The following BTN3A2 variants were observed in gnomAD, a reference collection of about 807,000 sequenced individuals.
BTN3A2 encodes the protein butyrophilin subfamily 3 member A2.
In BTN3A2, 25 loss-of-function variants were observed where a neutral mutation model predicts 37.6. The observed-to-expected ratio is 0.66, with a 90% CI of 0.48 to 0.93. The LOEUF (loss-of-function observed/expected upper bound fraction) is 0.93, where lower values mean the gene tolerates loss of function less well. BTN3A2 is among the 40% of genes least tolerant of loss of function. The pLI is 0.00. For missense variants in BTN3A2, 266 were observed against 410.9 expected (o/e 0.65, Z 3.05); for synonymous variants, 122 against 159.4 (o/e 0.77, Z 1.77).
intron 5 of BTN3A2, among the ~76,000 whole-genome samples, chr6:26,372,172 G>T (rs371033172): frequency 4.6e-5 from 7 of 152,282 alleles, no homozygotes; most frequent in Middle Eastern, 3.4e-3. Context: ...GCAGAGGGAC[G>T]TGTATAGAAT....
At chr6:26,374,482 T>C in intron 9 of BTN3A2, 109 bp downstream of exon 9, 1 of 1,241,886 alleles carries the variant, frequency 8.1e-7, no homozygotes. Flanking sequence ...TCAATTTCTG[T>C]GTGGTGGGGG....
chr6:26,369,738 T>C (rs1759909941), intron 4 of BTN3A2, among the ~76,000 whole-genome samples: 1 of 152,216 alleles, frequency 6.6e-6, no homozygotes, highest in African/African-American at 2.4e-5. Context: ...TGGTATTGTT[T>C]TTCCCATGAT....
At chr6:26,373,642 G>C (rs1190788153) in intron 8 of BTN3A2, 9 of 447,302 alleles carry the variant, frequency 2.0e-5, no homozygotes, top group Non-Finnish European at 3.4e-5. Context: ...AGGGGCTACA[G>C]ACCCTTAAGC....
chr6:26,377,750 C>G lies in BTN3A2; in HGVS notation c.*1988C>G, dbSNP rs1220731881. ...CTGAGGTTCCCTTCCCAGGACAGCT[C>G]CAGGATCGAGATCACTGTGAGTGGT... On this transcript the variant is annotated 3_prime_UTR_variant, in exon 11 of 11. Transcript: ENST00000377708. 3 of 166,234 alleles carry G rather than the reference C, an allele frequency of 1.8e-5. No individual in the cohort carries two copies. The highest frequency in any genetic ancestry group is 4.8e-5 in the African/African-American group (2 of 41,636). The allele number at this position is 166,234 out of a possible 1,614,324, so 10.3% of individuals were successfully genotyped here.
chr6:26,374,848 T>C, intron 10 of BTN3A2, 50 bp downstream of exon 10: 1 of 1,467,008 alleles, frequency 6.8e-7, no homozygotes, highest in Non-Finnish European at 9.3e-7. Flanking sequence ...AGGGACTATA[T>C]TCCTTTTTCC....
intron 8 of BTN3A2, 103 bp downstream of exon 8, chr6:26,373,516 T>A: frequency 7.4e-7 from 1 of 1,347,528 alleles, no homozygotes. Flanking sequence ...AAAGTGGTCT[T>A]GGATCCCTTT....
Position 26,375,955 on chromosome 6 carries a change from C to A in BTN3A2, c.*193C>A. 1 of 1,253,506 alleles carries A rather than the reference C, an allele frequency of 8.0e-7. No individual in the cohort carries two copies. The highest frequency in any genetic ancestry group is 1.1e-6 in the Non-Finnish European group (1 of 899,820). 77.6% of individuals were successfully genotyped at this position (1,253,506 alleles called of 1,614,324 possible). ...AGCACAGCAGCTCATGCCTGTAATC[C>A]TAGCACTTTGGAAGGCTGAGGAGGG... On this transcript the variant is annotated 3_prime_UTR_variant, in exon 11 of 11. Coordinates refer to ENST00000377708, the MANE Select transcript of BTN3A2 (RefSeq NM_007047.5).
rs58367598 is a variant in BTN3A2, at chr6:26,370,605, T to G, written c.715+2T>G. ...AGACAGCCAGCATTTCCATCGCAGG[T>G]CAGTACCTGCTTGGCCTCAGGTTTT... On this transcript the variant is annotated splice_donor_variant, in intron 5 of 10. Transcript: ENST00000377708. LOFTEE classifies it high-confidence loss of function. The G allele has an allele frequency of 0.038, 62,063 of 1,613,974 alleles. 1,347 individuals are homozygous for G. The highest frequency in any genetic ancestry group is 0.069 in the African/African-American group (5,148 of 74,992).
In BTN3A2 at chr6:26,377,246, C is replaced by T; in HGVS notation, c.*1484C>T. ...CTGCCCAGCCTGGAGCTAAGGGTCT[C>T]ACCCTCCACAACAGCCAGTCAGAAC... is the stretch of plus-strand genomic sequence containing the variant. On this transcript the variant is annotated 3_prime_UTR_variant, in exon 11 of 11. Coordinates refer to ENST00000377708, the MANE Select transcript of BTN3A2 (RefSeq NM_007047.5). 2 of 876,278 alleles carry T rather than the reference C, an allele frequency of 2.3e-6. No homozygotes were observed. The highest frequency in any genetic ancestry group is 3.8e-6 in the Non-Finnish European group (2 of 527,470). 54.3% of individuals were successfully genotyped at this position (876,278 alleles called of 1,614,324 possible). A position where few individuals can be genotyped will look rare whatever the true frequency, so the allele number is the denominator to read the frequency against.
intron 10 of BTN3A2, chr6:26,375,069 C>A (rs1760576805): frequency 2.7e-6 from 1 of 366,488 alleles, no homozygotes; most frequent in East Asian, 4.4e-5. Flanking sequence ...CACCTACTGC[C>A]TGTATCTCCT....
chr6:26,374,745 TC>T, intron 9 of BTN3A2, 25 bp from the exon 10 acceptor site: 1 of 1,524,672 alleles, frequency 6.6e-7, no homozygotes, highest in East Asian at 2.3e-5. Flanking sequence ...CTGACCTTTT[TC>T]TTATCTGTGT....
In BTN3A2 at chr6:26,365,474, CTGTGTGTGTGTGTGTG is replaced by C. The variant is rs55949951; in HGVS notation, c.-67+150_-67+165del. ...TCTCCCAGAGAAAGGGGTGCAGTGC[CTGTGTGTGTGTGTGTG>C]TGTGTGTGTGTGTGTGTGTGTGTGT... On this transcript the variant is annotated intron_variant, in intron 1 of 10. Coordinates refer to ENST00000377708, the MANE Select transcript of BTN3A2 (RefSeq NM_007047.5). 685 of 550,892 alleles carry C rather than the reference CTGTGTGTGTGTGTGTG, an allele frequency of 1.2e-3. 4 individuals are homozygous for C. The highest frequency in any genetic ancestry group is 0.012 in the South Asian group (492 of 42,272). 34.1% of individuals were successfully genotyped at this position (550,892 alleles called of 1,614,324 possible). A position where few individuals can be genotyped will look rare whatever the true frequency, so the allele number is the denominator to read the frequency against.
At chr6:26,373,144 A>G in intron 6 of BTN3A2, 47 bp downstream of exon 6, 1 of 1,608,660 alleles carries the variant, frequency 6.2e-7, no homozygotes. Context: ...TGCATGCCCC[A>G]GCCTGAAAAC....
At chr6:26,372,793 A>G in intron 5 of BTN3A2, 104 bp from the exon 6 acceptor site, 1 of 1,366,574 alleles carries the variant, frequency 7.3e-7, no homozygotes, top group Non-Finnish European at 1.0e-6. Flanking sequence ...CATGAGATAG[A>G]TTCCCCACCC....
intron 9 of BTN3A2, 150 bp from the exon 10 acceptor site, chr6:26,374,621 C>A: frequency 1.0e-6 from 1 of 976,722 alleles, no homozygotes; most frequent in East Asian, 2.5e-5. Context: ...GAAGGTGCCA[C>A]CTCTGATCCA....
rs12174639 is a variant in BTN3A2, at chr6:26,372,893, G to A, written c.716-4G>A. On this transcript the variant is annotated splice_polypyrimidine_tract_variant and splice_region_variant and intron_variant, in intron 5 of 10. Coordinates refer to ENST00000377708, the MANE Select transcript of BTN3A2 (RefSeq NM_007047.5). ...CCCATGACCTACAGCTCTCCCCTTCGCAGACCCCTTCTTCAGGAGCGCCCA... is the reference window on the plus strand; with the variant it reads ...CCCATGACCTACAGCTCTCCCCTTCACAGACCCCTTCTTCAGGAGCGCCCA... 0.11 allele frequency: 172,577 copies of A among 1,609,674 alleles called. 10,551 individuals carry two copies. The highest frequency in any genetic ancestry group is 0.12 in the Non-Finnish European group (143,748 of 1,176,914).
intron 5 of BTN3A2, among the ~76,000 whole-genome samples, chr6:26,371,343 G>A (rs1345927913): frequency 6.6e-6 from 1 of 152,008 alleles, no homozygotes; most frequent in African/African-American, 2.4e-5. Flanking sequence ...TCACAGAAAA[G>A]GAAATAACTC....
chr6:26,374,859 T>C (rs1760552666), intron 10 of BTN3A2, 61 bp downstream of exon 10: 2 of 1,447,348 alleles, frequency 1.4e-6, no homozygotes, highest in East Asian at 4.6e-5. Context: ...TCCTTTTTCC[T>C]TTTTTCTTCT....
Position 26,376,554 on chromosome 6 carries a change from C to T in BTN3A2, c.*792C>T. 7.3e-7 allele frequency: 1 copy of T among 1,373,608 alleles called. No individual in the cohort carries two copies. The highest frequency in any genetic ancestry group is 9.9e-7 in the Non-Finnish European group (1 of 1,008,928). The allele number at this position is 1,373,608 out of a possible 1,614,324, so 85.1% of individuals were successfully genotyped here. A position where few individuals can be genotyped will look rare whatever the true frequency, so the allele number is the denominator to read the frequency against. On this transcript the variant is annotated 3_prime_UTR_variant, in exon 11 of 11. Coordinates refer to ENST00000377708, the MANE Select transcript of BTN3A2 (RefSeq NM_007047.5). ...GAAAAATGGCTGACCCCATGGACAC[C>T]TCCTCAAACTCTCTGCAGCAGATGT...
Sources: gnomAD v4.1 joint callset for allele counts (sites outside exome capture counted in the v4.1 genomes callset) on GRCh38, gnomAD v4.1.1 for gene constraint, MANE v1.5 for transcripts, NCBI Gene and HGNC (gene_info 2026-07-23, HGNC 2026-07-21) for gene names.